The following SPAG16 variants were observed in gnomAD, a reference collection of about 807,000 sequenced individuals.
The protein encoded by SPAG16 is sperm associated antigen 16, also known as sperm-associated antigen 16 protein.
A neutral mutation model predicts 80.4 loss-of-function variants in SPAG16; 86 were observed. The ratio of observed to expected loss-of-function variants is 1.07; its 90% CI spans 0.90 to 1.28. SPAG16 has a LOEUF of 1.28. Among genes scored for constraint, SPAG16 ranks in the 50% most tolerant of loss-of-function variants. The pLI, the probability that SPAG16 is intolerant of heterozygous loss-of-function variation, is 0.00. For missense variants in SPAG16, 870 were observed against 765.3 expected, an observed-to-expected ratio of 1.14 and a Z score of -1.61; for synonymous variants, 294 against 265.9, an observed-to-expected ratio of 1.11 and a Z score of -1.03.
intron 15 of SPAG16, among the ~76,000 whole-genome samples, chr2:214,222,755 CTA>C (rs2058610869): frequency 6.6e-6 from 1 of 152,182 alleles, no homozygotes; most frequent in Non-Finnish European, 1.5e-5. Context: ...TGAGGACTGT[CTA>C]TCCATGGATT....
chr2:213,533,068 T>C (rs2076125266), intron 10 of SPAG16, among the ~76,000 whole-genome samples: 1 of 152,214 alleles, frequency 6.6e-6, no homozygotes, highest in Non-Finnish European at 1.5e-5. Context: ...TCTTAGAATA[T>C]AGTTTCTCTG....
chr2:213,961,999 C>T (rs2044458738), intron 12 of SPAG16, among the ~76,000 whole-genome samples: 1 of 152,024 alleles, frequency 6.6e-6, no homozygotes, highest in Non-Finnish European at 1.5e-5. Context: ...ACCAGTGAAA[C>T]ATTTTGGGCC....
rs374796250 is a variant in SPAG16 at position 214,128,177 on chromosome 2, C to T, written c.1593+19916C>T. ...AGTTGTTCAGAAGAAAATAAGCTGA[C>T]GGGCAGGGGGAAAACCTCTCAAGTT... is the stretch of plus-strand genomic sequence containing the variant. On this transcript the variant is annotated intron_variant, in intron 14 of 15. Transcript: ENST00000331683. 7.0e-4 allele frequency among the ~76,000 whole-genome samples: 107 copies of T among 151,842 alleles called. 1 individual carries two copies. The South Asian group carries it at 0.015, about 21-fold the overall frequency.
chr2:214,226,662 C>T (rs1376462681), intron 15 of SPAG16, among the ~76,000 whole-genome samples: 1 of 151,890 alleles, frequency 6.6e-6, no homozygotes, highest in Non-Finnish European at 1.5e-5. Context: ...CCAAATACTC[C>T]CCCCAAAGCT....
chr2:214,178,066 A>G (rs2057185735), intron 15 of SPAG16, among the ~76,000 whole-genome samples: 1 of 144,654 alleles, frequency 6.9e-6, no homozygotes, highest in African/African-American at 2.5e-5. Flanking sequence ...GTTTATATAT[A>G]TTTTCAAATA....
chr2:213,529,763 C>G (rs1026010576), intron 10 of SPAG16, among the ~76,000 whole-genome samples: 1 of 152,110 alleles, frequency 6.6e-6, no homozygotes, highest in East Asian at 1.9e-4. Context: ...TTTTAAATGG[C>G]GTTACCTGTG....
intron 10 of SPAG16, among the ~76,000 whole-genome samples, chr2:213,847,786 G>A (rs2074705371): frequency 6.6e-6 from 1 of 151,986 alleles, no homozygotes; most frequent in South Asian, 2.1e-4. Context: ...AGCAAACACG[G>A]ACCTCTCCTT....
chr2:214,188,554 A>C (rs2125690393), intron 15 of SPAG16, among the ~76,000 whole-genome samples: 1 of 152,282 alleles, frequency 6.6e-6, no homozygotes, highest in South Asian at 2.1e-4. Flanking sequence ...TTTCAAAACC[A>C]AACATTCTTT....
chr2:213,742,229 G>T (rs1464700674), intron 10 of SPAG16, among the ~76,000 whole-genome samples: 1 of 151,444 alleles, frequency 6.6e-6, no homozygotes, highest in Admixed American at 6.6e-5. Context: ...CTTACAGATT[G>T]TTTACTAATT....
intron 14 of SPAG16, among the ~76,000 whole-genome samples, chr2:214,135,427 T>C (rs901192071): frequency 3.9e-5 from 6 of 152,204 alleles, no homozygotes; most frequent in Non-Finnish European, 8.8e-5. Flanking sequence ...TGTTTTGGTG[T>C]GTTTTACCCC....
chr2:213,297,266 C>A lies in SPAG16; in HGVS notation c.188C>A (p.Pro63Gln). 1 of 1,607,574 alleles carries A rather than the reference C, an allele frequency of 6.2e-7. No individual in the cohort carries two copies. Among genetic ancestry groups the A allele is most frequent in the Non-Finnish European group, 8.5e-7 (1 of 1,175,340 alleles). ...TTCTCTTTCTCTGTGATCTAGATAC[C>A]AGATGACAATTTTAGCATCCCAGAA... ...SEDDYEYEEI[P>Q]DDNFSIPEGE... The change falls in exon 3 of 16, where the codon CCA becomes CAA. Residue 63 changes from proline to glutamine, a missense_variant. Physicochemically the swap from Pro to Gln is moderately conservative, Grantham distance 76. Coordinates refer to ENST00000331683, the MANE Select transcript of SPAG16 (RefSeq NM_024532.5).
intron 15 of SPAG16, among the ~76,000 whole-genome samples, chr2:214,372,658 C>T (rs1441327318): frequency 2.0e-5 from 3 of 152,074 alleles, no homozygotes; most frequent in Non-Finnish European, 4.4e-5. Context: ...GAGACTTAGT[C>T]CCAAGAAATT....
chr2:214,095,046 C>T (rs568610161), intron 13 of SPAG16, among the ~76,000 whole-genome samples: 5 of 152,114 alleles, frequency 3.3e-5, no homozygotes, highest in African/African-American at 1.2e-4. Context: ...TCAGAATCAT[C>T]AGGGTTGGAG....
chr2:214,302,267 T>C (rs1694606348), intron 15 of SPAG16, among the ~76,000 whole-genome samples: 1 of 152,200 alleles, frequency 6.6e-6, no homozygotes, highest in Non-Finnish European at 1.5e-5. Context: ...TTGTTGGGTA[T>C]AATAATCCTT....
intron 12 of SPAG16, among the ~76,000 whole-genome samples, chr2:213,997,128 A>G (rs927099084): frequency 2.0e-5 from 3 of 152,178 alleles, no homozygotes; most frequent in African/African-American, 7.2e-5. Flanking sequence ...AGTTCAAGCT[A>G]GGTTTAATTT....
At chr2:214,185,816 A>G (rs2057449818) in intron 15 of SPAG16, among the ~76,000 whole-genome samples, 2 of 152,250 alleles carry the variant, frequency 1.3e-5, no homozygotes, top group South Asian at 4.1e-4. Flanking sequence ...CACTATATCC[A>G]AAGCAGCCCC....
intron 9 of SPAG16, among the ~76,000 whole-genome samples, chr2:213,384,809 T>G (rs1488355683): frequency 6.6e-6 from 1 of 152,194 alleles, no homozygotes; most frequent in Non-Finnish European, 1.5e-5. Context: ...GATTGAACAT[T>G]ACCACTGTTG....
At chr2:213,346,058 G>A (rs996711382) in intron 6 of SPAG16, among the ~76,000 whole-genome samples, 10 of 152,028 alleles carry the variant, frequency 6.6e-5, no homozygotes, top group African/African-American at 2.4e-4. Flanking sequence ...TTATTTCCTT[G>A]AGCAGTGGTT....
intron 10 of SPAG16, among the ~76,000 whole-genome samples, chr2:213,792,421 A>C (rs1430327326): frequency 6.6e-6 from 1 of 152,084 alleles, no homozygotes; most frequent in Non-Finnish European, 1.5e-5. Flanking sequence ...CATTTGCCTC[A>C]CACTGCCTAA....
Sources: gnomAD v4.1 joint callset for allele counts (sites outside exome capture counted in the v4.1 genomes callset) on GRCh38, gnomAD v4.1.1 for gene constraint, MANE v1.5 for transcripts, NCBI Gene and HGNC (gene_info 2026-07-23, HGNC 2026-07-21) for gene names.